Variants in SLC35F3 observed in about 807,000 individuals in gnomAD.
SLC35F3 encodes putative thiamine transporter SLC35F3.
In SLC35F3, 25 loss-of-function variants were observed where a neutral mutation model predicts 49.9. The observed-to-expected ratio is 0.50, with a 90% CI of 0.37 to 0.70. The LOEUF (loss-of-function observed/expected upper bound fraction) is 0.70, where lower values mean the gene tolerates loss of function less well. Ranked by LOEUF, SLC35F3 falls within the 30% of genes least tolerant of loss-of-function variation. The pLI is 0.00. For synonymous variants in SLC35F3, 275 were observed against 265.4 expected, an observed-to-expected ratio of 1.04 and a Z score of -0.35; for missense variants, 525 against 639.8, an observed-to-expected ratio of 0.82 and a Z score of 1.94.
intron 2 of SLC35F3, among the ~76,000 whole-genome samples, chr1:234,015,210 G>C (rs899603706): frequency 6.6e-6 from 1 of 151,988 alleles, no homozygotes; most frequent in East Asian, 1.9e-4. Context: ...GCCAGGTGCG[G>C]TGTGGTGTGC....
At chr1:234,113,896 C>A (rs1443902733) in intron 2 of SLC35F3, among the ~76,000 whole-genome samples, 2 of 152,156 alleles carry the variant, frequency 1.3e-5, no homozygotes, top group Non-Finnish European at 2.9e-5. Flanking sequence ...GTTTTGGTGA[C>A]ACGTAAGAGA....
chr1:234,212,481 C>T (rs548132990), intron 2 of SLC35F3: 1 of 152,292 alleles, frequency 6.6e-6, no homozygotes, highest in East Asian at 1.9e-4. Context: ...GTTATAAGTT[C>T]AGGCTTTTGA....
At chr1:234,224,618 A>G (rs1439287676) in intron 2 of SLC35F3, among the ~76,000 whole-genome samples, 1 of 152,234 alleles carries the variant, frequency 6.6e-6, no homozygotes, top group East Asian at 1.9e-4. Flanking sequence ...GTTCAGCACC[A>G]TGACCTTGGT....
intron 2 of SLC35F3, among the ~76,000 whole-genome samples, chr1:234,005,521 C>A (rs985871920): frequency 4.6e-5 from 7 of 152,148 alleles, no homozygotes; most frequent in African/African-American, 1.7e-4. Context: ...GCTGCTGCTG[C>A]TGACGACAAA....
intron 2 of SLC35F3, among the ~76,000 whole-genome samples, chr1:234,225,169 T>C (rs2102947253): frequency 6.6e-6 from 1 of 152,366 alleles, no homozygotes; most frequent in South Asian, 2.1e-4. Flanking sequence ...GAAAGCCTTT[T>C]CTGCAAGTCT....
chr1:234,112,556 C>CT (rs777353110), intron 2 of SLC35F3, among the ~76,000 whole-genome samples: 3,374 of 116,326 alleles, frequency 0.029, 223 homozygotes, highest in African/African-American at 0.088. Context: ...AATTCACACT[C>CT]TTTTTTTTTT....
At position 234,305,033 on chromosome 1, in the gene SLC35F3, G is replaced by T. The variant is rs182079658; in HGVS notation, c.609-4068G>T. ...TAATTCATCTTAGTTTAAAAGAAAA[G>T]CTTCCTTAGCTTGAAAAGTTTACTT... is the stretch of plus-strand genomic sequence containing the variant. On this transcript the variant is annotated intron_variant, in intron 3 of 7. Coordinates refer to ENST00000366618, the MANE Select transcript of SLC35F3 (RefSeq NM_173508.4). 2.2e-4 allele frequency among the ~76,000 whole-genome samples: 33 copies of T among 152,288 alleles called. No individual in the cohort carries two copies. In the East Asian group the frequency reaches 2.7e-3, roughly 12 times the overall value.
At chr1:234,208,903 A>G (rs1453999717) in intron 2 of SLC35F3, among the ~76,000 whole-genome samples, 1 of 152,240 alleles carries the variant, frequency 6.6e-6, no homozygotes, top group Admixed American at 6.5e-5. Context: ...ACAGGCTCCT[A>G]TCAGAATAGA....
chr1:234,288,187 T>A (rs1173383419), intron 3 of SLC35F3, among the ~76,000 whole-genome samples: 1 of 152,156 alleles, frequency 6.6e-6, no homozygotes, highest in Non-Finnish European at 1.5e-5. Context: ...ACGCCTAGCC[T>A]GCTGGGAAAA....
At chr1:234,202,346 GA>G (rs1282075099) in intron 2 of SLC35F3, among the ~76,000 whole-genome samples, 2 of 152,060 alleles carry the variant, frequency 1.3e-5, no homozygotes, top group Admixed American at 6.6e-5. Context: ...CAGTGGCAAA[GA>G]AAAAAAGTTG....
chr1:234,191,857 G>A (rs999465536), intron 2 of SLC35F3, among the ~76,000 whole-genome samples: 1 of 152,046 alleles, frequency 6.6e-6, no homozygotes, highest in African/African-American at 2.4e-5. Flanking sequence ...AAACCTAGAG[G>A]AGATGGATAA....
intron 2 of SLC35F3, among the ~76,000 whole-genome samples, chr1:233,983,955 G>T (rs80171393): frequency 1.3e-5 from 2 of 152,264 alleles, no homozygotes; most frequent in African/African-American, 2.4e-5. Context: ...ATGCCGGAAA[G>T]CTCAGGAACT....
At chr1:233,971,364 AAG>A (rs1662988553) in intron 2 of SLC35F3, among the ~76,000 whole-genome samples, 1 of 152,238 alleles carries the variant, frequency 6.6e-6, no homozygotes, top group South Asian at 2.1e-4. Context: ...ACAGCAAGGA[AAG>A]AGAGGAGGAA....
At chr1:234,186,837 C>T (rs1384230523) in intron 2 of SLC35F3, among the ~76,000 whole-genome samples, 3 of 152,096 alleles carry the variant, frequency 2.0e-5, no homozygotes, top group South Asian at 4.1e-4. Context: ...TGGGAAGAGG[C>T]CCCATAGTGA....
intron 2 of SLC35F3, among the ~76,000 whole-genome samples, chr1:234,063,982 C>G (rs1260206127): frequency 1.3e-5 from 2 of 152,164 alleles, no homozygotes; most frequent in Admixed American, 1.3e-4. Flanking sequence ...TTAACTGCAC[C>G]TGGAATGAAA....
intron 2 of SLC35F3, among the ~76,000 whole-genome samples, chr1:234,012,922 A>G (rs532283300): frequency 2.2e-4 from 34 of 152,326 alleles, no homozygotes; most frequent in African/African-American, 7.9e-4. Flanking sequence ...AACAATGGAT[A>G]TATCATCTAG....
chr1:234,118,582 T>C (rs1276170573), intron 2 of SLC35F3, among the ~76,000 whole-genome samples: 1 of 152,180 alleles, frequency 6.6e-6, no homozygotes, highest in African/African-American at 2.4e-5. Flanking sequence ...TGACCAGATA[T>C]GGCTTACAAA....
intron 2 of SLC35F3, among the ~76,000 whole-genome samples, chr1:233,941,954 G>GTTTTTTTTT (rs141578626): frequency 4.2e-5 from 5 of 120,184 alleles, no homozygotes; most frequent in Admixed American, 8.5e-5. Context: ...GTTGTTTTTT[G>GTTTTTTTTT]TTTTTTTGTT....
At chr1:234,213,251 C>G (rs1667068387) in intron 2 of SLC35F3, 1 of 152,236 alleles carries the variant, frequency 6.6e-6, no homozygotes, top group Admixed American at 6.5e-5. Flanking sequence ...GAAGTTTTAA[C>G]TTTGAGACAG....
Sources: allele counts gnomAD v4.1 joint callset (sites outside exome capture counted in the v4.1 genomes callset), GRCh38; gene constraint gnomAD v4.1.1; transcripts MANE v1.5; gene names NCBI Gene and HGNC (gene_info 2026-07-23, HGNC 2026-07-21).